The following SLC43A2 variants were observed in gnomAD, a reference collection of about 807,000 sequenced individuals.
The protein encoded by SLC43A2 is solute carrier family 43 member 2.
Under a neutral mutation model 63.2 loss-of-function variants are expected in SLC43A2, and 38 were observed. That is an observed-to-expected ratio of 0.60 (90% CI 0.46 to 0.79). The LOEUF is 0.79. SLC43A2 is among the 30% of genes least tolerant of loss of function. The pLI is 0.00. For missense variants in SLC43A2, 644 were observed against 756.2 expected (o/e 0.85, Z 1.74); for synonymous variants, 322 against 331.0 (o/e 0.97, Z 0.30).
In SLC43A2 at chr17:1,578,237, T is replaced by C. The variant is rs749451133; in HGVS notation, c.1424+13A>G. The C allele has an allele frequency of 6.4e-5, 103 of 1,611,604 alleles. No individual in the cohort carries two copies. Among genetic ancestry groups the C allele is most frequent in the Non-Finnish European group, 8.4e-5 (99 of 1,178,168 alleles). On this transcript the variant is annotated intron_variant, in intron 12 of 13. Transcript: ENST00000301335. This position sits in a 1 kb window ranked among gnomAD's most constrained non-coding sequence, Gnocchi z 6.5. ...CCTCGCCCACCAGGCCACCTGCGGC[T>C]TCCAGGACTTACACGGCAGCGTACA...
rs558969600 is a variant in SLC43A2, at chr17:1,570,525, C to G, written c.*5079G>C. The G allele has an allele frequency of 2.8e-5, 4 of 145,042 alleles. No homozygotes were observed. Among genetic ancestry groups the G allele is most frequent in the African/African-American group, 1.0e-4 (4 of 38,740 alleles). 9.0% of individuals were successfully genotyped at this position (145,042 alleles called of 1,614,324 possible). The stretch of plus-strand genomic sequence containing the variant: ...TTTTTGAGACGGAGTCTCGCTCTGT[C>G]GCCCAGGCTGGAGTGCAGTGGCGGG... On this transcript the variant is annotated 3_prime_UTR_variant, in exon 14 of 14. Transcript: ENST00000301335.
At chr17:1,586,927 A>AGGGGGGGCCC in intron 9 of SLC43A2, 1 of 1,355,946 alleles carries the variant, frequency 7.4e-7, no homozygotes, top group Non-Finnish European at 1.0e-6. Context: ...TTCCCTGACA[A>AGGGGGGGCCC]TCCCCCCCAC....
intron 5 of SLC43A2, among the ~76,000 whole-genome samples, chr17:1,603,953 C>T (rs562905800): frequency 6.6e-6 from 1 of 152,236 alleles, no homozygotes; most frequent in South Asian, 2.1e-4. Context: ...CCGGCCAATA[C>T]ACACTTCAGT....
In SLC43A2 at chr17:1,583,965, G is replaced by A. The variant is rs1037630572; in HGVS notation, c.1218-629C>T. ...GGCTGGAGTGCAGTGGTGTGATCTCGGCTCATTGCCACCTCTGCCTCCTGG... is the reference window on the plus strand; with the variant it reads ...GGCTGGAGTGCAGTGGTGTGATCTCAGCTCATTGCCACCTCTGCCTCCTGG... On this transcript the variant is annotated intron_variant, in intron 10 of 13. Coordinates refer to ENST00000301335, the MANE Select transcript of SLC43A2 (RefSeq NM_152346.3). This position sits in a 1 kb window ranked among gnomAD's most constrained non-coding sequence, Gnocchi z 5.5. Among the ~76,000 whole-genome samples the A allele has an allele frequency of 1.3e-5, 2 of 151,284 alleles. No homozygotes were observed. Among genetic ancestry groups the A allele is most frequent in the African/African-American group, 2.4e-5 (1 of 41,090 alleles).
At chr17:1,591,207 G>T (rs1253859338) in intron 8 of SLC43A2, 62 bp downstream of exon 8, 4 of 1,572,664 alleles carry the variant, frequency 2.5e-6, no homozygotes, top group Non-Finnish European at 2.6e-6. Flanking sequence ...GTGGGAATGG[G>T]GTGAGCCGAT....
At chr17:1,607,556 A>C (rs1477828868) in intron 5 of SLC43A2, among the ~76,000 whole-genome samples, 1 of 152,112 alleles carries the variant, frequency 6.6e-6, no homozygotes, top group African/African-American at 2.4e-5. Flanking sequence ...GGGGAGGCAG[A>C]AAGAGATGAC....
At chr17:1,594,623 T>G (rs1905106370) in intron 5 of SLC43A2, among the ~76,000 whole-genome samples, 1 of 133,062 alleles carries the variant, frequency 7.5e-6, no homozygotes, top group East Asian at 2.5e-4. Context: ...AGTCTCGCTC[T>G]TTCGCCCAGG....
chr17:1,575,756 C>T lies in SLC43A2; in HGVS notation c.1558G>A (p.Gly520Arg), dbSNP rs2075916691. 6.2e-7 allele frequency: 1 copy of T among 1,611,108 alleles called. No homozygotes were observed. The highest frequency in any genetic ancestry group is 2.2e-5 in the East Asian group (1 of 44,812). ...LQGDPLWVNV[G>R]LLLLSLLGFC... is the part of the protein sequence containing the mutation. Reference sequence around the variant, plus strand: ...CCCAGCAGGCTGAGAAGGAGCAGCCCCACGTTCACCTGGGGAGGCAGGGAG... The same window carrying T: ...CCCAGCAGGCTGAGAAGGAGCAGCCTCACGTTCACCTGGGGAGGCAGGGAG... Residue 520 changes from glycine to arginine, a missense_variant, in exon 14 of 14, where the codon GGG becomes AGG. Physicochemically the swap from Gly to Arg is moderately radical, Grantham distance 125. Transcript: ENST00000301335.
chr17:1,606,173 G>A lies in SLC43A2; in HGVS notation c.501+7022C>T, dbSNP rs556485641. Among the ~76,000 whole-genome samples, 1 of 151,326 alleles carries A rather than the reference G, an allele frequency of 6.6e-6. No individual in the cohort carries two copies. The highest frequency in any genetic ancestry group is 2.0e-4 in the East Asian group (1 of 4,898). ...GGGGGCCACCGCGGGACCCTCTCCT[G>A]GACCCTCCAGAGCTGGCCGGGGGCC... On this transcript the variant is annotated intron_variant, in intron 5 of 13. Coordinates refer to ENST00000301335, the MANE Select transcript of SLC43A2 (RefSeq NM_152346.3). The surrounding 1 kb of genome is among the most constrained non-coding windows in gnomAD (Gnocchi z 4.7).
At chr17:1,591,525 C>CG in intron 7 of SLC43A2, 41 bp downstream of exon 7, 5 of 1,605,268 alleles carry the variant, frequency 3.1e-6, no homozygotes, top group Non-Finnish European at 3.4e-6. Context: ...GGCTGGGGGG[C>CG]GGGGGCTGGG....
At position 1,593,599 on chromosome 17, in the gene SLC43A2, C is replaced by G. The variant is rs2151048332; in HGVS notation, c.502-320G>C. Reference sequence around the variant, plus strand: ...TCTTTTCAGGGTAACACTGAGATGCCAGAGAACAAAGTTATGAGCCTCAGG... The same window carrying G: ...TCTTTTCAGGGTAACACTGAGATGCGAGAGAACAAAGTTATGAGCCTCAGG... On this transcript the variant is annotated intron_variant, in intron 5 of 13. Coordinates refer to ENST00000301335, the MANE Select transcript of SLC43A2 (RefSeq NM_152346.3). The surrounding 1 kb of genome is among the most constrained non-coding windows in gnomAD (Gnocchi z 5.3). 6.6e-6 allele frequency among the ~76,000 whole-genome samples: 1 copy of G among 152,146 alleles called. No homozygotes were observed. Among genetic ancestry groups the G allele is most frequent in the African/African-American group, 2.4e-5 (1 of 41,498 alleles).
intron 4 of SLC43A2, among the ~76,000 whole-genome samples, chr17:1,613,664 T>C (rs1206484992): frequency 6.6e-6 from 1 of 152,150 alleles, no homozygotes; most frequent in East Asian, 1.9e-4. Context: ...CTCGAACTCC[T>C]GGCCTCGGGT....
Position 1,627,935 on chromosome 17 carries a change from C to T in SLC43A2, c.-46-15G>A, listed in dbSNP as rs1598505267. ...CTCTGCACCACCTGCGCACAGAACT[C>T]GGCGTCAGCGGCCGGCCCTTGCCCA... On this transcript the variant is annotated splice_polypyrimidine_tract_variant and intron_variant, in intron 1 of 13. Coordinates refer to ENST00000301335, the MANE Select transcript of SLC43A2 (RefSeq NM_152346.3). 1.4e-6 allele frequency: 2 copies of T among 1,401,338 alleles called. No homozygotes were observed. Among genetic ancestry groups the T allele is most frequent in the African/African-American group, 1.5e-5 (1 of 65,868 alleles). 86.8% of individuals were successfully genotyped at this position (1,401,338 alleles called of 1,614,324 possible). A position where few individuals can be genotyped will look rare whatever the true frequency, so the allele number is the denominator to read the frequency against.
intron 5 of SLC43A2, among the ~76,000 whole-genome samples, chr17:1,598,636 T>C (rs1306050595): frequency 6.6e-6 from 1 of 152,206 alleles, no homozygotes; most frequent in South Asian, 2.1e-4. Context: ...ATTTTCCTTC[T>C]ACCTTTTTAA....
chr17:1,596,365 T>C (rs1905273557), intron 5 of SLC43A2, among the ~76,000 whole-genome samples: 1 of 151,934 alleles, frequency 6.6e-6, no homozygotes, highest in African/African-American at 2.4e-5. Flanking sequence ...GGCTCGTGCC[T>C]GTCATCCCAG....
Position 1,577,383 on chromosome 17 carries a change from T to G in SLC43A2, c.1425-663A>C, listed in dbSNP as rs1248688627. On this transcript the variant is annotated intron_variant, in intron 12 of 13. Coordinates refer to ENST00000301335, the MANE Select transcript of SLC43A2 (RefSeq NM_152346.3). This position sits in a 1 kb window ranked among gnomAD's most constrained non-coding sequence, Gnocchi z 4.9. The stretch of plus-strand genomic sequence containing the variant: ...GCAGTGCCCTCGTCCAGAGAAGCAT[T>G]GAGTAATCGCGGAAACTCAGCACCA... Among the ~76,000 whole-genome samples the G allele has an allele frequency of 6.6e-6, 1 of 152,136 alleles. No homozygotes were observed. The highest frequency in any genetic ancestry group is 1.5e-5 in the Non-Finnish European group (1 of 68,022).
At chr17:1,584,946 T>TA (rs1361622949) in intron 10 of SLC43A2, among the ~76,000 whole-genome samples, 2 of 152,238 alleles carry the variant, frequency 1.3e-5, no homozygotes, top group African/African-American at 4.8e-5. Flanking sequence ...ACAACTCTAT[T>TA]AACACATAAT....
chr17:1,594,345 T>C (rs1286141125), intron 5 of SLC43A2, among the ~76,000 whole-genome samples: 1 of 152,144 alleles, frequency 6.6e-6, no homozygotes, highest in Non-Finnish European at 1.5e-5. Context: ...TCTACCGAAA[T>C]CCAGGCCTAG....
intron 9 of SLC43A2, chr17:1,586,927 A>AGGGGGCCCCCCC: frequency 1.5e-6 from 2 of 1,355,888 alleles, no homozygotes; most frequent in Non-Finnish European, 2.0e-6. Context: ...TTCCCTGACA[A>AGGGGGCCCCCCC]TCCCCCCCAC....
Sources: allele counts gnomAD v4.1 joint callset (sites outside exome capture counted in the v4.1 genomes callset), GRCh38; gene constraint gnomAD v4.1.1; non-coding constraint Gnocchi (gnomAD v3.1); transcripts MANE v1.5; gene names NCBI Gene and HGNC (gene_info 2026-07-23, HGNC 2026-07-21).